Variants in PCCA observed in about 807,000 individuals in gnomAD.
PCCA encodes propionyl-CoA carboxylase alpha chain, mitochondrial.
A neutral mutation model predicts 101.3 loss-of-function variants in PCCA; 74 were observed. The observed-to-expected ratio is 0.73, with a 90% CI of 0.61 to 0.89. The LOEUF is 0.89. Among genes scored for constraint, PCCA ranks in the 40% least tolerant of loss-of-function variants. PCCA has a pLI of 0.00. For synonymous variants in PCCA, 294 were observed against 313.6 expected, an observed-to-expected ratio of 0.94 and a Z score of 0.66; for missense variants, 891 against 907.0, an observed-to-expected ratio of 0.98 and a Z score of 0.23.
At chr13:100,320,024 T>C (rs2067845067) in intron 16 of PCCA, among the ~76,000 whole-genome samples, 1 of 152,310 alleles carries the variant, frequency 6.6e-6, no homozygotes, top group East Asian at 1.9e-4. Context: ...TGTAGTTCTG[T>C]TTGAAGAGAT....
intron 18 of PCCA, among the ~76,000 whole-genome samples, chr13:100,350,005 T>G (rs1192427865): frequency 6.6e-6 from 1 of 152,216 alleles, no homozygotes; most frequent in East Asian, 1.9e-4. Context: ...CTTTCCTGGT[T>G]TCAGATATAG....
intron 23 of PCCA, 93 bp from the exon 24 acceptor site, chr13:100,530,005 T>A: frequency 1.0e-6 from 1 of 960,832 alleles, no homozygotes; most frequent in South Asian, 1.4e-5. Flanking sequence ...TGCAGGACTG[T>A]GCATTTTTAG....
chr13:100,282,899 T>C (rs71439658), intron 12 of PCCA, among the ~76,000 whole-genome samples: 14,541 of 152,100 alleles, frequency 0.096, 870 homozygotes, highest in Middle Eastern at 0.21. Context: ...AATCCTCCTC[T>C]AATCTCCCCC....
chr13:100,526,412 T>A (rs2087820380), intron 22 of PCCA, among the ~76,000 whole-genome samples: 1 of 152,238 alleles, frequency 6.6e-6, no homozygotes, highest in Non-Finnish European at 1.5e-5. Context: ...CCTATATTTC[T>A]ATGCCAGGAA....
At chr13:100,242,502 G>C (rs2061200460) in intron 8 of PCCA, among the ~76,000 whole-genome samples, 2 of 152,134 alleles carry the variant, frequency 1.3e-5, no homozygotes, top group South Asian at 4.1e-4. Flanking sequence ...GATCAGTAAG[G>C]GAGGGAATAG....
At chr13:100,440,683 C>T (rs921665553) in intron 20 of PCCA, among the ~76,000 whole-genome samples, 2 of 151,822 alleles carry the variant, frequency 1.3e-5, no homozygotes, top group African/African-American at 4.8e-5. Context: ...CCCCCCACCC[C>T]CATCTGTTTG....
chr13:100,427,559 T>A (rs537551609), intron 20 of PCCA, among the ~76,000 whole-genome samples: 1 of 152,278 alleles, frequency 6.6e-6, no homozygotes, highest in East Asian at 1.9e-4. Flanking sequence ...CCCTTTTTAA[T>A]CCTGTAAGTA....
rs571583422 is a variant in PCCA, at chr13:100,271,551, G to A, written c.915-1645G>A. On this transcript the variant is annotated intron_variant, in intron 11 of 23. Transcript: ENST00000376285. ...AGACAGTAAAATGACCAGATCCTTG[G>A]CCAGAAAATGGGGAAGGGGCATTAC... Among the ~76,000 whole-genome samples the A allele has an allele frequency of 1.8e-4, 28 of 152,236 alleles. No homozygotes were observed. In the South Asian group the frequency reaches 5.2e-3, roughly 28 times the overall value.
At chr13:100,408,137 G>A (rs544030174) in intron 19 of PCCA, among the ~76,000 whole-genome samples, 1 of 152,328 alleles carries the variant, frequency 6.6e-6, no homozygotes, top group African/African-American at 2.4e-5. Context: ...GGGTGACAGA[G>A]TGAGACTCCG....
At chr13:100,348,797 T>TTCCG (rs2072784524) in intron 18 of PCCA, among the ~76,000 whole-genome samples, 1 of 76,242 alleles carries the variant, frequency 1.3e-5, no homozygotes, top group African/African-American at 4.6e-5. Flanking sequence ...TCTTCCTTCC[T>TTCCG]TCCTTCCTTC....
intron 20 of PCCA, among the ~76,000 whole-genome samples, chr13:100,430,486 T>C (rs1436225637): frequency 5.9e-5 from 9 of 152,156 alleles, no homozygotes; most frequent in Non-Finnish European, 1.2e-4. Flanking sequence ...ATTGCCCCCA[T>C]CCTCTCTGTG....
chr13:100,368,503 T>C lies in PCCA; in HGVS notation c.1675T>C (p.Trp559Arg). The C allele has an allele frequency of 1.2e-6, 2 of 1,609,346 alleles. No homozygotes were observed. Among genetic ancestry groups the C allele is most frequent in the Non-Finnish European group, 1.7e-6 (2 of 1,176,004 alleles). The change falls in exon 19 of 24, where the codon TGG (tryptophan) becomes CGG (arginine). Residue 559 changes from tryptophan (W) to arginine (R), a missense_variant. Coordinates refer to ENST00000376285, the MANE Select transcript of PCCA (RefSeq NM_000282.4). Reference protein sequence around the residue: ...MPVIKPDIANWELSVKLHDKV... With the variant: ...MPVIKPDIANRELSVKLHDKV... The stretch of plus-strand genomic sequence containing the variant: ...TGTTATTAAACCAGACATAGCCAAC[T>C]GGGAGCTCTCAGTAAAATTGCATGA...
chr13:100,300,332 T>A (rs777743961), intron 12 of PCCA, among the ~76,000 whole-genome samples: 1 of 152,194 alleles, frequency 6.6e-6, no homozygotes, highest in Non-Finnish European at 1.5e-5. Flanking sequence ...GTGCCATCTG[T>A]TTATTTTTAC....
chr13:100,320,962 T>C (rs2067967122), intron 16 of PCCA, among the ~76,000 whole-genome samples: 1 of 152,132 alleles, frequency 6.6e-6, no homozygotes, highest in African/African-American at 2.4e-5. Flanking sequence ...TCCAGGCTGG[T>C]CACAAACTCC....
At chr13:100,150,013 T>C (rs1032495420) in intron 4 of PCCA, among the ~76,000 whole-genome samples, 1 of 152,196 alleles carries the variant, frequency 6.6e-6, no homozygotes, top group Non-Finnish European at 1.5e-5. Context: ...CCAGAGTTTT[T>C]AAATGCAGGC....
At chr13:100,123,621 T>C (rs997951545) in intron 4 of PCCA, among the ~76,000 whole-genome samples, 2 of 138,112 alleles carry the variant, frequency 1.4e-5, no homozygotes, top group Admixed American at 7.7e-5. Context: ...AATCCTAATA[T>C]AACAACATAA....
chr13:100,151,840 C>T (rs1369855571), intron 4 of PCCA, among the ~76,000 whole-genome samples: 2 of 152,056 alleles, frequency 1.3e-5, no homozygotes, highest in African/African-American at 4.8e-5. Flanking sequence ...TTATGTATTT[C>T]CTTTGCCATT....
At chr13:100,514,750 C>G (rs1273521339) in intron 21 of PCCA, among the ~76,000 whole-genome samples, 5 of 152,160 alleles carry the variant, frequency 3.3e-5, no homozygotes, top group Admixed American at 3.3e-4. Context: ...TTTATAACAT[C>G]TTGATGTTAT....
At chr13:100,453,212 C>G (rs2081459655) in intron 21 of PCCA, among the ~76,000 whole-genome samples, 1 of 151,616 alleles carries the variant, frequency 6.6e-6, no homozygotes, top group African/African-American at 2.4e-5. Flanking sequence ...AATATGAAAA[C>G]AAATGGAGGC....
Sources: allele counts gnomAD v4.1 joint callset (sites outside exome capture counted in the v4.1 genomes callset), GRCh38; gene constraint gnomAD v4.1.1; transcripts MANE v1.5; gene names NCBI Gene and HGNC (gene_info 2026-07-23, HGNC 2026-07-21).